Variants in VWA3B observed in about 807,000 individuals in gnomAD.
VWA3B encodes von Willebrand factor A domain containing 3B.
Under a neutral mutation model 158.3 loss-of-function variants are expected in VWA3B, and 138 were observed. That is an observed-to-expected ratio of 0.87 (90% CI 0.76 to 1.00). VWA3B has a LOEUF of 1.00. Ranked by LOEUF, VWA3B falls within the 50% of genes least tolerant of loss-of-function variation. VWA3B has a pLI of 0.00. For synonymous variants in VWA3B, 596 were observed against 587.3 expected, an observed-to-expected ratio of 1.01 and a Z score of -0.21; for missense variants, 1,555 against 1,565.1, an observed-to-expected ratio of 0.99 and a Z score of 0.11.
rs1574092360 is a variant in VWA3B at position 98,211,931 on chromosome 2, T to C, written c.1739T>C (p.Ile580Thr). Residue 580 changes from isoleucine (I) to threonine (T), a missense_variant and splice_region_variant, in exon 13 of 28, where the codon ATT becomes ACT. Coordinates refer to ENST00000477737, the MANE Select transcript of VWA3B (RefSeq NM_144992.5). ...CCTTGGTGTCTCTTTTTTCCGTAGA[T>C]TGGAAGCTCCACAAACACCCTGAGT... ...QAQSWIRDIK[I>T]GSSTNTLSAL... The C allele has an allele frequency of 2.5e-6, 4 of 1,613,982 alleles. No individual in the cohort carries two copies. Among genetic ancestry groups the C allele is most frequent in the East Asian group, 2.2e-5 (1 of 44,888 alleles).
intron 26 of VWA3B, among the ~76,000 whole-genome samples, chr2:98,310,239 C>T (rs1177486295): frequency 3.3e-5 from 5 of 152,172 alleles, no homozygotes; most frequent in Non-Finnish European, 4.4e-5. Flanking sequence ...ACAATACAAA[C>T]GAGACCTCAG....
chr2:98,117,837 C>T (rs760184968), intron 3 of VWA3B, among the ~76,000 whole-genome samples: 12 of 150,516 alleles, frequency 8.0e-5, no homozygotes, highest in South Asian at 4.2e-4. Flanking sequence ...CCGCCTCCTG[C>T]GTTCAAGCGA....
chr2:98,109,681 G>A (rs1372271417), intron 2 of VWA3B, among the ~76,000 whole-genome samples: 1 of 151,994 alleles, frequency 6.6e-6, no homozygotes, highest in East Asian at 1.9e-4. Flanking sequence ...TTCTTTAAGA[G>A]TAGCTCTGCT....
intron 20 of VWA3B, among the ~76,000 whole-genome samples, chr2:98,254,097 C>T (rs575242201): frequency 6.6e-6 from 1 of 152,282 alleles, no homozygotes; most frequent in East Asian, 1.9e-4. Context: ...AATGATTACT[C>T]AGTGTTTCTA....
intron 25 of VWA3B, among the ~76,000 whole-genome samples, chr2:98,303,307 G>A (rs991943216): frequency 1.3e-5 from 2 of 152,140 alleles, no homozygotes; most frequent in Non-Finnish European, 2.9e-5. Context: ...GAAGGATACT[G>A]GAGACAGTTC....
intron 8 of VWA3B, among the ~76,000 whole-genome samples, chr2:98,171,527 T>A (rs1573975958): frequency 6.6e-6 from 1 of 151,786 alleles, no homozygotes; most frequent in African/African-American, 2.4e-5. Context: ...GTGGCTGGAG[T>A]GCAGTGTCCA....
chr2:98,238,209 C>T (rs1685829378), intron 19 of VWA3B, among the ~76,000 whole-genome samples: 3 of 152,112 alleles, frequency 2.0e-5, no homozygotes. Context: ...ACTCTCCCTC[C>T]GGAGGCTGTG....
chr2:98,275,712 A>C (rs1688482766), intron 22 of VWA3B, among the ~76,000 whole-genome samples: 1 of 152,244 alleles, frequency 6.6e-6, no homozygotes, highest in Non-Finnish European at 1.5e-5. Context: ...TGCTAAAGTT[A>C]TTATCAAGGA....
chr2:98,132,818 C>T (rs1434528336), intron 6 of VWA3B, among the ~76,000 whole-genome samples: 1 of 152,218 alleles, frequency 6.6e-6, no homozygotes, highest in African/African-American at 2.4e-5. Context: ...CAGAATGAGG[C>T]TGACATTTTA....
intron 20 of VWA3B, among the ~76,000 whole-genome samples, chr2:98,251,772 G>A (rs188310965): frequency 6.6e-6 from 1 of 152,298 alleles, no homozygotes; most frequent in East Asian, 1.9e-4. Context: ...TCCAACGGCA[G>A]ACCTTGCTCC....
At chr2:98,267,808 A>C (rs1178216244) in intron 21 of VWA3B, among the ~76,000 whole-genome samples, 1 of 152,146 alleles carries the variant, frequency 6.6e-6, no homozygotes, top group Non-Finnish European at 1.5e-5. Context: ...CTAATAAAGA[A>C]AAAAAGAGAG....
intron 19 of VWA3B, among the ~76,000 whole-genome samples, chr2:98,247,645 G>GAT (rs1313659947): frequency 1.3e-5 from 2 of 152,016 alleles, no homozygotes; most frequent in African/African-American, 4.8e-5. Flanking sequence ...TCTATTATCT[G>GAT]ATATATATAC....
intron 8 of VWA3B, among the ~76,000 whole-genome samples, chr2:98,180,248 G>A (rs560241298): frequency 2.1e-4 from 32 of 151,602 alleles, no homozygotes; most frequent in Middle Eastern, 3.4e-3. Flanking sequence ...AGGCTGGAGC[G>A]CAGTGGTGCA....
intron 8 of VWA3B, among the ~76,000 whole-genome samples, chr2:98,171,552 G>A (rs528170343): frequency 1.3e-5 from 2 of 152,192 alleles, no homozygotes; most frequent in African/African-American, 4.8e-5. Flanking sequence ...TGAGTCTGGA[G>A]AGGGAAGCAG....
At chr2:98,192,499 A>T (rs1681678638) in intron 10 of VWA3B, among the ~76,000 whole-genome samples, 1 of 152,200 alleles carries the variant, frequency 6.6e-6, no homozygotes, top group African/African-American at 2.4e-5. Context: ...CAACGTCATC[A>T]GTTAAGGCAG....
intron 21 of VWA3B, among the ~76,000 whole-genome samples, chr2:98,263,611 T>C (rs1019193096): frequency 6.6e-6 from 1 of 152,054 alleles, no homozygotes; most frequent in Admixed American, 6.6e-5. Flanking sequence ...GGTGATTATC[T>C]TTTTAACATG....
In VWA3B at chr2:98,234,712, AAGG is replaced by A. The variant is rs1558707734; in HGVS notation, c.2375_2377del (p.Arg792del). 1 of 1,614,178 alleles carries A rather than the reference AAGG, an allele frequency of 6.2e-7. No homozygotes were observed. The highest frequency in any genetic ancestry group is 1.7e-5 in the Admixed American group (1 of 60,024). ...CCCTCAGGAGCTCAGCTTGCAGTGA[AAGG>A]AAGGATGGCCTCTCCAATGCCAGCA... is the stretch of plus-strand genomic sequence containing the variant. On this transcript the variant is annotated inframe_deletion, in exon 17 of 28. Transcript: ENST00000477737.
At chr2:98,158,170 A>G (rs1423522971) in intron 7 of VWA3B, among the ~76,000 whole-genome samples, 1 of 152,162 alleles carries the variant, frequency 6.6e-6, no homozygotes, top group Non-Finnish European at 1.5e-5. Flanking sequence ...TCTATGTAAT[A>G]AGGAAAAATA....
Position 98,091,729 on chromosome 2 carries a change from T to C in VWA3B, c.-32-1332T>C, listed in dbSNP as rs1004517052. On this transcript the variant is annotated intron_variant, in intron 1 of 27. Transcript: ENST00000477737. ...TTTTGTGTTTGACTGAATTTCCATG[T>C]CATGACAGTGAAACTTTTAGGAAAT... Among the ~76,000 whole-genome samples, 3 of 152,244 alleles carry C rather than the reference T, an allele frequency of 2.0e-5. No individual in the cohort carries two copies. In the East Asian group the frequency reaches 5.8e-4, roughly 29 times the overall value.
Sources: allele counts gnomAD v4.1 joint callset (sites outside exome capture counted in the v4.1 genomes callset), GRCh38; gene constraint gnomAD v4.1.1; transcripts MANE v1.5; gene names NCBI Gene and HGNC (gene_info 2026-07-23, HGNC 2026-07-21).